TOR1AIP1: variants seen among roughly 807,000 people sequenced by gnomAD.
TOR1AIP1 encodes the protein torsin-1A-interacting protein 1.
A neutral mutation model predicts 63.3 loss-of-function variants in TOR1AIP1; 54 were observed. The observed-to-expected ratio is 0.85, with a 90% confidence interval of 0.69 to 1.07. The LOEUF is 1.07. Among genes scored for constraint, TOR1AIP1 ranks in the 50% least tolerant of loss-of-function variants. The pLI, the probability that TOR1AIP1 is intolerant of heterozygous loss-of-function variation, is 0.00. For synonymous variants in TOR1AIP1, 294 were observed against 273.5 expected, an observed-to-expected ratio of 1.07 and a Z score of -0.74; for missense variants, 736 against 715.0, an observed-to-expected ratio of 1.03 and a Z score of -0.33.
chr1:179,904,121 CAA>C (rs1269299439), intron 6 of TOR1AIP1, 99 bp downstream of exon 6: 3 of 884,910 alleles, frequency 3.4e-6, no homozygotes, highest in Non-Finnish European at 5.2e-6. Flanking sequence ...AAATATTGAA[CAA>C]GAGGAATAAT....
chr1:179,918,059 C>T lies in TOR1AIP1; in HGVS notation c.1572C>T (p.Gly524=). ...AAGAGACACTTGGAACAAGTCTAGG[C>T]CTAAAGGAAGTTGAAGAAAAAGTAA... ...LEEETLGTSL[G]LKEVEEKVRD... is the part of the protein sequence containing the mutation. The change falls in exon 10 of 10, where the codon GGC becomes GGT. Residue 524 remains glycine (G), a synonymous_variant. Transcript: ENST00000606911. 6.2e-7 allele frequency: 1 copy of T among 1,614,132 alleles called. No homozygotes were observed. Among genetic ancestry groups the T allele is most frequent in the Non-Finnish European group, 8.5e-7 (1 of 1,180,030 alleles).
chr1:179,886,379 TGAG>T (rs1647908045), intron 2 of TOR1AIP1, among the ~76,000 whole-genome samples: 3 of 152,208 alleles, frequency 2.0e-5, no homozygotes, highest in Admixed American at 2.0e-4. Context: ...GAACTGCTAA[TGAG>T]GTACACCATG....
rs1460350321 is a variant in TOR1AIP1, at chr1:179,918,351, G to C, written c.*112G>C. On this transcript the variant is annotated 3_prime_UTR_variant, in exon 10 of 10. Coordinates refer to ENST00000606911, the MANE Select transcript of TOR1AIP1 (RefSeq NM_015602.4). The stretch of plus-strand genomic sequence containing the variant: ...AAAGAACTAGTTTCTTTTTAAAGAA[G>C]TTAAGTGCTTACATAAACATGGAAC... 1.0e-6 allele frequency: 1 copy of C among 977,418 alleles called. No individual in the cohort carries two copies. The highest frequency in any genetic ancestry group is 1.5e-6 in the Non-Finnish European group (1 of 680,542). The allele number at this position is 977,418 out of a possible 1,614,324, so 60.5% of individuals were successfully genotyped here.
At chr1:179,883,380 G>C (rs948521892) in intron 1 of TOR1AIP1, among the ~76,000 whole-genome samples, 10 of 152,132 alleles carry the variant, frequency 6.6e-5, no homozygotes, top group African/African-American at 2.4e-4. Flanking sequence ...CTTCTTTAAC[G>C]CTCGCGGGCC....
intron 6 of TOR1AIP1, among the ~76,000 whole-genome samples, chr1:179,904,943 C>G (rs1438715397): frequency 6.6e-6 from 1 of 152,142 alleles, no homozygotes; most frequent in Non-Finnish European, 1.5e-5. Context: ...TATTTTGTTA[C>G]TACTGTTTTT....
intron 3 of TOR1AIP1, among the ~76,000 whole-genome samples, chr1:179,899,766 T>C (rs1648391305): frequency 6.6e-6 from 1 of 152,156 alleles, no homozygotes; most frequent in Non-Finnish European, 1.5e-5. Context: ...TGCCTCAGCC[T>C]CCCGAGTAGC....
chr1:179,884,182 A>G (rs1179322978), intron 1 of TOR1AIP1, among the ~76,000 whole-genome samples: 2 of 152,196 alleles, frequency 1.3e-5, no homozygotes, highest in Non-Finnish European at 2.9e-5. Flanking sequence ...GGAGCCTATA[A>G]TATATTTGAT....
At position 179,918,134 on chromosome 1, in the gene TOR1AIP1, C is replaced by T. The variant is rs763845501; in HGVS notation, c.1647C>T (p.Tyr549=). ...KFTNSNTPNS[Y]NHMDPDKLNG... Reference sequence around the variant, plus strand: ...CCAATTCTAACACACCCAACTCCTACAATCATATGGACCCAGACAAACTGA... The same window carrying T: ...CCAATTCTAACACACCCAACTCCTATAATCATATGGACCCAGACAAACTGA... Residue 549 remains tyrosine, a synonymous_variant, in exon 10 of 10, where the codon TAC becomes TAT. Coordinates refer to ENST00000606911, the MANE Select transcript of TOR1AIP1 (RefSeq NM_015602.4). 1 of 1,613,876 alleles carries T rather than the reference C, an allele frequency of 6.2e-7. No homozygotes were observed. Among genetic ancestry groups the T allele is most frequent in the Middle Eastern group, 1.6e-4 (1 of 6,062 alleles).
chr1:179,907,909 T>TTC (rs772264211), intron 7 of TOR1AIP1, 45 bp downstream of exon 7: 22 of 1,026,502 alleles, frequency 2.1e-5, no homozygotes, highest in South Asian at 8.0e-5. Flanking sequence ...ATCAATTCTT[T>TTC]TCTCTTTTTT....
rs1648731719 is a variant in TOR1AIP1 at position 179,908,679 on chromosome 1, T to G, written c.907+6T>G. The G allele has an allele frequency of 6.2e-7, 1 of 1,609,506 alleles. No homozygotes were observed. Among genetic ancestry groups the G allele is most frequent in the Non-Finnish European group, 8.5e-7 (1 of 1,176,770 alleles). On this transcript the variant is annotated splice_donor_region_variant and intron_variant, in intron 8 of 9. Transcript: ENST00000606911. Reference sequence around the variant, plus strand: ...AATAAGGACCAGGATGCAAAGTAAGTAGATAAATCTCTGTTATTGAAATAA... The same window carrying G: ...AATAAGGACCAGGATGCAAAGTAAGGAGATAAATCTCTGTTATTGAAATAA...
intron 1 of TOR1AIP1, chr1:179,884,043 G>C (rs536741222): frequency 6.1e-6 from 1 of 164,060 alleles, no homozygotes; most frequent in African/African-American, 2.4e-5. Flanking sequence ...TGACAGATTT[G>C]AAGACTTGAT....
intron 3 of TOR1AIP1, among the ~76,000 whole-genome samples, chr1:179,892,775 G>T (rs1648138124): frequency 6.6e-6 from 1 of 151,418 alleles, no homozygotes; most frequent in African/African-American, 2.4e-5. Context: ...AAGAGAACTT[G>T]GAACTGAAAT....
rs1318942147 is a variant in TOR1AIP1, at chr1:179,889,369, G to T, written c.610G>T (p.Glu204Ter). The change falls in exon 3 of 10, where the codon GAA becomes TAA. Residue 204 changes from glutamate to a stop codon, truncating the protein, a stop_gained and splice_region_variant. Transcript: ENST00000606911. LOFTEE classifies it high-confidence loss of function. ...RRPPLRYPRY[E>*]ATSVQQKVNF... ...ACCCCCTCTAAGATACCCAAGATAT[G>T]GTAAGAGATTGTTTGTCTGTTGGTT... 1 of 1,603,538 alleles carries T rather than the reference G, an allele frequency of 6.2e-7. No individual in the cohort carries two copies. The highest frequency in any genetic ancestry group is 1.3e-5 in the African/African-American group (1 of 74,742).
Position 179,917,795 on chromosome 1 carries a change from T to C in TOR1AIP1, c.1308T>C (p.Phe436=), listed in dbSNP as rs1395742983. 6.2e-7 allele frequency: 1 copy of C among 1,614,218 alleles called. No individual in the cohort carries two copies. Among genetic ancestry groups the C allele is most frequent in the South Asian group, 1.1e-5 (1 of 91,076 alleles). Residue 436 remains phenylalanine, a synonymous_variant, in exon 10 of 10, where the codon TTT becomes TTC. Transcript: ENST00000606911. ...SEQIADAYSS[F]RSVRAIRIDG... ...AAATTGCTGATGCCTATTCTTCTTTTCGTAGTGTCCGTGCCATCCGGATTG... is the reference window on the plus strand; with the variant it reads ...AAATTGCTGATGCCTATTCTTCTTTCCGTAGTGTCCGTGCCATCCGGATTG...
At chr1:179,885,261 A>G (rs1291983370) in intron 2 of TOR1AIP1, among the ~76,000 whole-genome samples, 1 of 152,224 alleles carries the variant, frequency 6.6e-6, no homozygotes, top group Non-Finnish European at 1.5e-5. Flanking sequence ...AAGAAACACC[A>G]TCATTGTTTT....
intron 2 of TOR1AIP1, among the ~76,000 whole-genome samples, chr1:179,885,052 C>A (rs1339306643): frequency 6.6e-6 from 1 of 152,160 alleles, no homozygotes; most frequent in African/African-American, 2.4e-5. Context: ...TACTTTCCCC[C>A]CAAGTGCCTC....
chr1:179,891,279 T>G (rs908723891), intron 3 of TOR1AIP1, among the ~76,000 whole-genome samples: 1 of 152,194 alleles, frequency 6.6e-6, no homozygotes, highest in Non-Finnish European at 1.5e-5. Context: ...TGTAGTACCG[T>G]GGTGCGATCT....
In TOR1AIP1 at chr1:179,904,383, T is replaced by C. The variant is rs1648565034; in HGVS notation, c.796+361T>C. On this transcript the variant is annotated intron_variant, in intron 6 of 9. Coordinates refer to ENST00000606911, the MANE Select transcript of TOR1AIP1 (RefSeq NM_015602.4). ...ATAAGGACATAAAATTTTATATTAG[T>C]ACAATTTCAACTCTGTTGTAAAAGT... Among the ~76,000 whole-genome samples the C allele has an allele frequency of 2.0e-5, 3 of 152,218 alleles. No homozygotes were observed. The South Asian group carries it at 6.2e-4, about 31-fold the overall frequency.
At chr1:179,883,056 T>G in intron 1 of TOR1AIP1, 79 bp downstream of exon 1, 2 of 1,290,764 alleles carry the variant, frequency 1.5e-6, no homozygotes, top group African/African-American at 1.5e-5. Flanking sequence ...GTGGAGCTCA[T>G]GCCCGCCTGG....
Sources: gnomAD v4.1 joint callset for allele counts (sites outside exome capture counted in the v4.1 genomes callset) on GRCh38, gnomAD v4.1.1 for gene constraint, MANE v1.5 for transcripts, NCBI Gene and HGNC (gene_info 2026-07-23, HGNC 2026-07-21) for gene names.